Variants in AVEN observed in about 807,000 individuals in gnomAD.
AVEN encodes the protein cell death regulator Aven.
A neutral mutation model predicts 38.1 loss-of-function variants in AVEN; 41 were observed. That is an observed-to-expected ratio of 1.08 (90% CI 0.84 to 1.40). The LOEUF (loss-of-function observed/expected upper bound fraction) is 1.40. Among genes scored for constraint, AVEN ranks in the 40% most tolerant of loss-of-function variants. AVEN has a pLI of 0.00. For missense variants in AVEN, 605 were observed against 438.8 expected (o/e 1.38, Z -3.38); for synonymous variants, 206 against 171.8 (o/e 1.20, Z -1.56).
intron 2 of AVEN, among the ~76,000 whole-genome samples, chr15:33,975,386 C>T (rs1383378505): frequency 1.3e-5 from 2 of 152,114 alleles, no homozygotes; most frequent in Non-Finnish European, 2.9e-5. Context: ...CTTAGCTATG[C>T]GGAATGCTAC....
In AVEN at chr15:34,063,976, C is replaced by T; in HGVS notation, n.1127-544G>A. Reference sequence around the variant, plus strand: ...GAACCTTCAACGAAAGGCCTCAATCCCAACCCCAGCCATCAAATGACCAAA... The same window carrying T: ...GAACCTTCAACGAAAGGCCTCAATCTCAACCCCAGCCATCAAATGACCAAA... On this transcript the variant is annotated intron_variant and non_coding_transcript_variant, in intron 4 of 11. Coordinates refer to the AVEN transcript ENST00000675287. This position sits in a 1 kb window ranked among gnomAD's most constrained non-coding sequence, Gnocchi z 4.1. The T allele has an allele frequency of 6.2e-7, 1 of 1,614,166 alleles. No homozygotes were observed. Among genetic ancestry groups the T allele is most frequent in the Non-Finnish European group, 8.5e-7 (1 of 1,180,030 alleles).
At chr15:33,852,019 A>AG in the AVEN span, 1 of 150,574 alleles carries the variant, frequency 6.6e-6, no homozygotes, top group African/African-American at 2.4e-5. Flanking sequence ...AAAAAAAAAA[A>AG]CATTTTTTTT....
intron 5 of AVEN, among the ~76,000 whole-genome samples, chr15:34,058,699 T>C (rs552168383): frequency 6.6e-6 from 1 of 152,274 alleles, no homozygotes; most frequent in Non-Finnish European, 1.5e-5. Flanking sequence ...AGGCCTTCTC[T>C]GCCTATAAAG....
chr15:33,927,611 T>G (rs1422013036), intron 2 of AVEN, among the ~76,000 whole-genome samples: 1 of 152,150 alleles, frequency 6.6e-6, no homozygotes, highest in African/African-American at 2.4e-5. Flanking sequence ...CACAGGCCCC[T>G]TCCAAGGCCT....
In AVEN at chr15:33,965,041, G is replaced by C. The variant is rs192003616; in HGVS notation, c.445+37991C>G. ...AGTTACTTAACCTTGGTGTACCTCA[G>C]TTTCCTTCTTTATAGAAGATGAATG... On this transcript the variant is annotated intron_variant, in intron 2 of 5. Transcript: ENST00000306730. 2.9e-3 allele frequency among the ~76,000 whole-genome samples: 444 copies of C among 152,280 alleles called. 1 individual carries two copies. Among genetic ancestry groups the C allele is most frequent in the Non-Finnish European group, 5.0e-3 (341 of 68,016 alleles).
At chr15:34,012,677 G>C (rs1159748496) in intron 1 of AVEN, among the ~76,000 whole-genome samples, 1 of 152,114 alleles carries the variant, frequency 6.6e-6, no homozygotes, top group African/African-American at 2.4e-5. Context: ...AGAAAAATCA[G>C]ACCATTAAAT....
At chr15:34,070,175 C>T (rs1237742977) in intron 2 of AVEN, among the ~76,000 whole-genome samples, 1 of 152,148 alleles carries the variant, frequency 6.6e-6, no homozygotes, top group African/African-American at 2.4e-5. Flanking sequence ...CATCAGATCT[C>T]GTGAGAACTT....
chr15:34,006,146 C>T (rs927474083), intron 1 of AVEN, among the ~76,000 whole-genome samples: 1 of 152,082 alleles, frequency 6.6e-6, no homozygotes, highest in African/African-American at 2.4e-5. Flanking sequence ...CCCATCTCTA[C>T]TAAAAATACA....
At chr15:33,981,763 G>A (rs888092214) in intron 2 of AVEN, among the ~76,000 whole-genome samples, 7 of 152,156 alleles carry the variant, frequency 4.6e-5, no homozygotes, top group Admixed American at 4.6e-4. Flanking sequence ...TACTAACACT[G>A]AAGGGCTATT....
intron 2 of AVEN, among the ~76,000 whole-genome samples, chr15:33,904,708 T>TACAC (rs568492308): frequency 7.8e-5 from 9 of 115,060 alleles, no homozygotes; most frequent in South Asian, 2.7e-4. Context: ...TATATATATA[T>TACAC]ATATATATAC....
At chr15:33,880,895 G>T (rs116720580) in intron 2 of AVEN, among the ~76,000 whole-genome samples, 2,457 of 151,974 alleles carry the variant, frequency 0.016, 68 homozygotes, top group African/African-American at 0.054. Context: ...ATCCATGAAG[G>T]CATCTTTGAT....
intron 2 of AVEN, among the ~76,000 whole-genome samples, chr15:33,975,420 T>A (rs1041279047): frequency 6.6e-6 from 1 of 152,196 alleles, no homozygotes; most frequent in Non-Finnish European, 1.5e-5. Context: ...TGCCTAAACA[T>A]TGATCAAGCA....
chr15:33,961,085 C>T (rs547200002), intron 2 of AVEN, among the ~76,000 whole-genome samples: 58 of 152,284 alleles, frequency 3.8e-4, no homozygotes, highest in African/African-American at 1.2e-3. Flanking sequence ...ACTGAAGCCT[C>T]GACCTCCTGG....
chr15:33,859,412 C>G (rs1376092676), intron 11 of AVEN, among the ~76,000 whole-genome samples: 2 of 152,212 alleles, frequency 1.3e-5, no homozygotes, highest in Admixed American at 6.5e-5. Context: ...CCAGAGGGTG[C>G]AGTGGACAGC....
intron 2 of AVEN, among the ~76,000 whole-genome samples, chr15:33,892,783 G>A (rs1892042766): frequency 6.6e-6 from 1 of 151,928 alleles, no homozygotes; most frequent in Non-Finnish European, 1.5e-5. Flanking sequence ...GCTTGATGGG[G>A]ATGGCACTGA....
At chr15:33,907,537 T>C (rs1232431176) in intron 2 of AVEN, among the ~76,000 whole-genome samples, 1 of 152,176 alleles carries the variant, frequency 6.6e-6, no homozygotes, top group African/African-American at 2.4e-5. Context: ...AGGAAGGAAA[T>C]GTAGCCATAT....
chr15:33,863,577 C>CACAG (rs1889308067), downstream of AVEN, among the ~76,000 whole-genome samples: 2 of 152,272 alleles, frequency 1.3e-5, no homozygotes, highest in South Asian at 2.1e-4. Flanking sequence ...ACTTATGTGT[C>CACAG]ACAGACAAAC....
intron 2 of AVEN, among the ~76,000 whole-genome samples, chr15:33,981,145 T>A (rs526971): frequency 0.76 from 115,487 of 152,126 alleles, 48,789 homozygotes; most frequent in Non-Finnish European, 0.95. Flanking sequence ...AGAGAAAATA[T>A]CTGAATTAAG....
At chr15:34,037,030 A>T (rs1597377438) in intron 1 of AVEN, among the ~76,000 whole-genome samples, 1 of 151,672 alleles carries the variant, frequency 6.6e-6, no homozygotes, top group Non-Finnish European at 1.5e-5. Flanking sequence ...AATCACTTGA[A>T]CCCGGGAGGC....
Sources: allele counts gnomAD v4.1 joint callset (sites outside exome capture counted in the v4.1 genomes callset), GRCh38; gene constraint gnomAD v4.1.1; non-coding constraint Gnocchi (gnomAD v3.1); transcripts MANE v1.5; gene names NCBI Gene and HGNC (gene_info 2026-07-23, HGNC 2026-07-21).